Variants in DNAAF4 observed in about 807,000 individuals in gnomAD.
The protein encoded by DNAAF4 is dynein axonemal assembly factor 4.
A neutral mutation model predicts 51.8 loss-of-function variants in DNAAF4; 43 were observed. The observed-to-expected ratio is 0.83, with a 90% CI of 0.65 to 1.07. The LOEUF (loss-of-function observed/expected upper bound fraction) is 1.07. Ranked by LOEUF, DNAAF4 falls within the 50% of genes least tolerant of loss-of-function variation. DNAAF4 has a pLI of 0.00. For synonymous variants in DNAAF4, 194 were observed against 165.6 expected (o/e 1.17, Z -1.32); for missense variants, 581 against 493.0 (o/e 1.18, Z -1.69).
chr15:55,434,968 C>G lies in DNAAF4; in HGVS notation c.984G>C (p.Leu328Phe). 1 of 1,613,168 alleles carries G rather than the reference C, an allele frequency of 6.2e-7. No individual in the cohort carries two copies. The part of the protein sequence containing the change: ...RLNNKMPLLY[L>F]NRAACHLKLK... Reference sequence around the variant, plus strand: ...GTTTTAGGTGGCAAGCAGCCCGGTTCAAATACAATAGTGGCATCTTATTAT... The same window carrying G: ...GTTTTAGGTGGCAAGCAGCCCGGTTGAAATACAATAGTGGCATCTTATTAT... The change falls in exon 8 of 10, where the codon TTG becomes TTC. Residue 328 changes from leucine (L) to phenylalanine (F), a missense_variant. Transcript: ENST00000321149.
At position 55,498,423 on chromosome 15, in the gene DNAAF4, G is replaced by C. The variant is rs1430761043; in HGVS notation, c.-94C>G. On this transcript the variant is annotated 5_prime_UTR_variant, in exon 2 of 10. Transcript: ENST00000321149. ...GGGGTTACCATGCGCCAGCCCTTCC[G>C]GGTCAGGCCGGCCGGGAGCCCGGCG... is the stretch of plus-strand genomic sequence containing the variant. 2.0e-6 allele frequency: 3 copies of C among 1,505,792 alleles called. No individual in the cohort carries two copies. Among genetic ancestry groups the C allele is most frequent in the African/African-American group, 1.4e-5 (1 of 70,824 alleles). 93.3% of individuals were successfully genotyped at this position (1,505,792 alleles called of 1,614,324 possible).
chr15:55,424,388 G>C (rs1228774002), intron 7 of DNAAF4, among the ~76,000 whole-genome samples: 1 of 152,272 alleles, frequency 6.6e-6, no homozygotes, highest in Admixed American at 6.5e-5. Context: ...CTAGTCTGTG[G>C]TATTCTGATA....
intron 5 of DNAAF4, among the ~76,000 whole-genome samples, chr15:55,452,170 C>T (rs1292001644): frequency 7.2e-5 from 10 of 139,762 alleles, no homozygotes; most frequent in Admixed American, 4.5e-4. Flanking sequence ...ATCGCTTCAA[C>T]CTGGGAGGCA....
intron 5 of DNAAF4, among the ~76,000 whole-genome samples, chr15:55,457,409 G>A (rs1422100997): frequency 6.6e-6 from 1 of 152,102 alleles, no homozygotes; most frequent in Non-Finnish European, 1.5e-5. Context: ...CCCCACCCAA[G>A]GGGAGCCTGA....
intron 4 of DNAAF4, among the ~76,000 whole-genome samples, chr15:55,480,257 G>C (rs971790501): frequency 2.0e-5 from 3 of 151,968 alleles, no homozygotes; most frequent in Admixed American, 6.6e-5. Flanking sequence ...TCTTTATACT[G>C]TCTCTCTTTA....
At chr15:55,453,030 T>C (rs1181124207) in intron 5 of DNAAF4, among the ~76,000 whole-genome samples, 1 of 152,154 alleles carries the variant, frequency 6.6e-6, no homozygotes, top group Non-Finnish European at 1.5e-5. Context: ...TTTCATCATG[T>C]TGGCCAGGCT....
At chr15:55,459,893 A>G (rs1347989975) in intron 5 of DNAAF4, among the ~76,000 whole-genome samples, 2 of 151,986 alleles carry the variant, frequency 1.3e-5, no homozygotes, top group Non-Finnish European at 2.9e-5. Flanking sequence ...TAGTAGAGAC[A>G]GAGTTTCACC....
chr15:55,432,572 C>G lies in DNAAF4; in HGVS notation c.1078G>C (p.Asp360His). ...GCCTTCATTCTTGCATTAGCATTGT[C>G]TGTAACAGGTGGCATCAATAATTCC... is the stretch of plus-strand genomic sequence containing the variant. ...ALELLMPPVT[D>H]NANARMKAHV... Residue 360 changes from aspartate to histidine, a missense_variant, in exon 9 of 10, where the codon GAC becomes CAC. Asp to His is a moderately conservative substitution (Grantham distance 81). Transcript: ENST00000321149. The G allele has an allele frequency of 6.2e-7, 1 of 1,612,056 alleles. No individual in the cohort carries two copies. Among genetic ancestry groups the G allele is most frequent in the Non-Finnish European group, 8.5e-7 (1 of 1,178,674 alleles).
chr15:55,456,118 TGCCCAGGCTGGAGTGC>T, intron 5 of DNAAF4, among the ~76,000 whole-genome samples: 1 of 151,836 alleles, frequency 6.6e-6, no homozygotes. Flanking sequence ...TCACTCTTGT[TGCCCAGGCTGGAGTGC>T]AATGGCAAGA....
At chr15:55,420,542 C>T (rs2057379881) in intron 7 of DNAAF4, among the ~76,000 whole-genome samples, 1 of 152,228 alleles carries the variant, frequency 6.6e-6, no homozygotes. Context: ...ATAAAATTTG[C>T]TTGATGTAAG....
chr15:55,453,075 T>C (rs1195494043), intron 5 of DNAAF4, among the ~76,000 whole-genome samples: 1 of 152,190 alleles, frequency 6.6e-6, no homozygotes, highest in Non-Finnish European at 1.5e-5. Flanking sequence ...GCCACCCACC[T>C]TGGCCTCCCA....
intron 6 of DNAAF4, among the ~76,000 whole-genome samples, chr15:55,443,891 GTTGT>G (rs2141435674): frequency 6.6e-6 from 1 of 152,218 alleles, no homozygotes; most frequent in African/African-American, 2.4e-5. Flanking sequence ...TTTCGATGGG[GTTGT>G]TTTTTTCTTG....
At chr15:55,422,001 A>C (rs2057392716) in intron 7 of DNAAF4, among the ~76,000 whole-genome samples, 1 of 150,992 alleles carries the variant, frequency 6.6e-6, no homozygotes, top group African/African-American at 2.4e-5. Context: ...TTTAGATTCT[A>C]ATGAATCCCA....
chr15:55,492,879 AAT>A (rs2058593619), intron 3 of DNAAF4, among the ~76,000 whole-genome samples: 1 of 152,166 alleles, frequency 6.6e-6, no homozygotes, highest in African/African-American at 2.4e-5. Context: ...TTAATGCATT[AAT>A]ATATAGCAAC....
intron 6 of DNAAF4, among the ~76,000 whole-genome samples, chr15:55,449,693 C>A (rs1223413145): frequency 3.3e-5 from 3 of 92,268 alleles, no homozygotes; most frequent in African/African-American, 1.2e-4. Context: ...AACAAAAAGA[C>A]CGCTTTTTTT....
intron 1 of DNAAF4, among the ~76,000 whole-genome samples, chr15:55,500,992 CAAAAAA>C (rs111778667): frequency 7.6e-5 from 5 of 65,974 alleles, no homozygotes; most frequent in Non-Finnish European, 2.0e-4. Context: ...AACTGAGTCT[CAAAAAA>C]AAAAAAAAAA....
downstream of DNAAF4, among the ~76,000 whole-genome samples, chr15:55,429,752 G>C (rs1398172631): frequency 2.0e-5 from 3 of 151,372 alleles, no homozygotes; most frequent in Non-Finnish European, 4.4e-5. Context: ...AGGAGGCAGA[G>C]CTTGCAGTGA....
intron 1 of DNAAF4, among the ~76,000 whole-genome samples, chr15:55,499,230 C>T (rs2058679163): frequency 6.6e-6 from 1 of 152,198 alleles, no homozygotes; most frequent in Non-Finnish European, 1.5e-5. Context: ...GACACGTGGT[C>T]ATTTACCTAC....
intron 4 of DNAAF4, 116 bp downstream of exon 4, chr15:55,491,007 G>A (rs2058564188): frequency 3.3e-6 from 4 of 1,205,576 alleles, no homozygotes; most frequent in Non-Finnish European, 4.7e-6. Context: ...AACATAGTAA[G>A]TCCTCTAAAC....
Sources: gnomAD v4.1 joint callset for allele counts (sites outside exome capture counted in the v4.1 genomes callset) on GRCh38, gnomAD v4.1.1 for gene constraint, MANE v1.5 for transcripts, NCBI Gene and HGNC (gene_info 2026-07-23, HGNC 2026-07-21) for gene names.